GAGE10: variants seen among roughly 807,000 people sequenced by gnomAD.
GAGE10 encodes the protein G antigen 10.
In GAGE10, 9 loss-of-function variants were observed where a neutral mutation model predicts 11.5. The observed-to-expected ratio is 0.78, with a 90% confidence interval of 0.47 to 1.37. GAGE10 has a LOEUF of 1.37. Ranked by LOEUF, GAGE10 falls within the 40% of genes most tolerant of loss-of-function variation. The pLI, the probability that GAGE10 is intolerant of heterozygous loss-of-function variation, is 0.00. For missense variants in GAGE10, 83 were observed against 92.9 expected (o/e 0.89, Z 0.44); for synonymous variants, 23 against 29.7 (o/e 0.77, Z 0.73).
chrX:49,310,735 G>A (rs1350321535), intron 3 of GAGE10, among the ~76,000 whole-genome samples: 3 of 105,243 alleles, frequency 2.9e-5, no homozygotes, highest in African/African-American at 7.9e-5. Flanking sequence ...TGATTTCTCT[G>A]TGGTAACCCA....
intron 3 of GAGE10, among the ~76,000 whole-genome samples, chrX:49,309,513 C>T (rs1413136737): frequency 8.9e-6 from 1 of 112,102 alleles, no homozygotes; most frequent in Non-Finnish European, 1.9e-5. Context: ...GCTCGCAGCT[C>T]ATGCCAAGAG....
chrX:49,317,518 T>C (rs1445771032), intron 4 of GAGE10, among the ~76,000 whole-genome samples: 3 of 111,451 alleles, frequency 2.7e-5, no homozygotes, highest in African/African-American at 9.8e-5. Flanking sequence ...CAGCTAATTT[T>C]TGTATTTTTA....
intron 3 of GAGE10, among the ~76,000 whole-genome samples, chrX:49,311,063 G>A (rs1353507071): frequency 1.8e-5 from 2 of 108,468 alleles, no homozygotes; most frequent in Non-Finnish European, 3.9e-5. Flanking sequence ...GAAGGCTACC[G>A]GAGCCAGACC....
At chrX:49,315,864 C>T (rs2066389947) in intron 3 of GAGE10, among the ~76,000 whole-genome samples, 1 of 111,398 alleles carries the variant, frequency 9.0e-6, no homozygotes, top group South Asian at 3.8e-4. Flanking sequence ...TTTATTTTAC[C>T]CCTGATTATT....
At chrX:49,317,040 C>T in intron 3 of GAGE10, 123 bp from the exon 4 acceptor site, 1 of 876,966 alleles carries the variant, frequency 1.1e-6, no homozygotes, top group Non-Finnish European at 1.5e-6. Flanking sequence ...GGATTCTTAT[C>T]AACATATTTA....
At chrX:49,306,336 T>G (rs1557124143) in intron 3 of GAGE10, among the ~76,000 whole-genome samples, 1 of 112,210 alleles carries the variant, frequency 8.9e-6, no homozygotes, top group Admixed American at 9.4e-5. Context: ...ATTCTCAGTG[T>G]GGGACAGTAT....
intron 3 of GAGE10, among the ~76,000 whole-genome samples, chrX:49,306,586 C>T (rs2066357795): frequency 8.9e-6 from 1 of 111,958 alleles, no homozygotes; most frequent in Non-Finnish European, 1.9e-5. Flanking sequence ...GAAATCCTAT[C>T]CATGTGGTAG....
At chrX:49,312,911 G>A (rs186916043) in intron 3 of GAGE10, among the ~76,000 whole-genome samples, 3 of 112,332 alleles carry the variant, frequency 2.7e-5, no homozygotes, top group East Asian at 2.8e-4. Context: ...TCCTGTGCCC[G>A]GAATAATCCA....
chrX:49,310,043 G>A (rs797033293), intron 3 of GAGE10, among the ~76,000 whole-genome samples: 1 of 112,098 alleles, frequency 8.9e-6, no homozygotes, highest in Admixed American at 9.4e-5. Flanking sequence ...AAATCTCAGA[G>A]GTGCTCCAGG....
intron 3 of GAGE10, among the ~76,000 whole-genome samples, chrX:49,308,893 G>A (rs1223800340): frequency 2.7e-5 from 3 of 111,890 alleles, no homozygotes; most frequent in East Asian, 2.8e-4. Flanking sequence ...GGAGAGGCCC[G>A]TTTTGTCCGA....
chrX:49,316,595 G>A (rs12845574), intron 3 of GAGE10, among the ~76,000 whole-genome samples: 48,385 of 110,017 alleles, frequency 0.44, 9,036 homozygotes, highest in Non-Finnish European at 0.59. Flanking sequence ...TTTCTGATCC[G>A]GAGTCAAGTT....
At chrX:49,304,235 G>A (rs1311918188) in intron 1 of GAGE10, among the ~76,000 whole-genome samples, 2 of 111,977 alleles carry the variant, frequency 1.8e-5, no homozygotes, top group Non-Finnish European at 3.8e-5. Context: ...GGGGAGCCCC[G>A]AGTGAGAAGC....
At chrX:49,314,686 T>C (rs1222533418) in intron 3 of GAGE10, among the ~76,000 whole-genome samples, 17 of 112,114 alleles carry the variant, frequency 1.5e-4, no homozygotes, top group Admixed American at 2.8e-4. Context: ...TATAAGCATT[T>C]TGTTCAGTCA....
intron 3 of GAGE10, among the ~76,000 whole-genome samples, chrX:49,309,481 G>C (rs2066368850): frequency 8.9e-6 from 1 of 112,045 alleles, no homozygotes; most frequent in South Asian, 3.7e-4. Context: ...ATGCAGCCCT[G>C]CCTAGCAGTT....
intron 3 of GAGE10, among the ~76,000 whole-genome samples, chrX:49,307,478 T>C (rs782734633): frequency 9.1e-6 from 1 of 109,984 alleles, no homozygotes; most frequent in African/African-American, 3.3e-5. Flanking sequence ...TTTTTTCCTT[T>C]TTTTTTTTTT....
chrX:49,317,374 G>C (rs2066397118), intron 4 of GAGE10, 86 bp downstream of exon 4: 1 of 1,112,992 alleles, frequency 9.0e-7, no homozygotes, highest in South Asian at 1.9e-5. Flanking sequence ...TTGAGATGGA[G>C]TCTTGCTCTG....
chrX:49,307,232 A>G (rs781955661), intron 3 of GAGE10, among the ~76,000 whole-genome samples: 3 of 111,657 alleles, frequency 2.7e-5, no homozygotes, highest in South Asian at 3.7e-4. Flanking sequence ...ACTCACACAC[A>G]CACACATACA....
chrX:49,317,447 A>G (rs191579278), intron 4 of GAGE10, among the ~76,000 whole-genome samples, 159 bp downstream of exon 4: 1 of 111,811 alleles, frequency 8.9e-6, no homozygotes, highest in East Asian at 2.8e-4. Flanking sequence ...TTCTGGGTTC[A>G]AGTGATTCTC....
rs1187656350 is a variant in GAGE10, at chrX:49,305,857, C to G, written c.202+333C>G. Among the ~76,000 whole-genome samples, 10 of 111,337 alleles carry G rather than the reference C, an allele frequency of 9.0e-5. No homozygotes were observed. In the South Asian group the frequency reaches 1.5e-3, roughly 17 times the overall value. On this transcript the variant is annotated intron_variant, in intron 3 of 4. Transcript: ENST00000407599. The stretch of plus-strand genomic sequence containing the variant: ...TCCAAGGTTTGTGTCTTCCTACCAT[C>G]TATGTTGCTGTAAAAACGGAAATGA...
Sources: gnomAD v4.1 joint callset for allele counts (sites outside exome capture counted in the v4.1 genomes callset) on GRCh38, gnomAD v4.1.1 for gene constraint, MANE v1.5 for transcripts, NCBI Gene and HGNC (gene_info 2026-07-23, HGNC 2026-07-21) for gene names.